Variants in SLC35F1 observed in about 807,000 individuals in gnomAD.
SLC35F1 encodes chromosome 6 open reading frame 169.
Under a neutral mutation model 48.7 loss-of-function variants are expected in SLC35F1, and 14 were observed. The observed-to-expected ratio is 0.29, with a 90% CI of 0.19 to 0.45. The LOEUF is 0.45. Among genes scored for constraint, SLC35F1 ranks in the 20% least tolerant of loss-of-function variants. The probability of loss-of-function intolerance (pLI) is 1.00; values close to 1 mark genes in which losing one functional copy is unlikely to be tolerated. For missense variants in SLC35F1, 404 were observed against 500.0 expected (o/e 0.81, Z 1.83); for synonymous variants, 190 against 202.2 (o/e 0.94, Z 0.51).
chr6:118,269,933 C>G (rs1299027304), intron 4 of SLC35F1, among the ~76,000 whole-genome samples: 1 of 152,040 alleles, frequency 6.6e-6, no homozygotes, highest in African/African-American at 2.4e-5. Flanking sequence ...GAGGCTGAGG[C>G]GGGAGGATCG....
At chr6:118,042,254 G>T (rs992594589) in intron 1 of SLC35F1, among the ~76,000 whole-genome samples, 27 of 152,160 alleles carry the variant, frequency 1.8e-4, no homozygotes, top group African/African-American at 6.5e-4. Context: ...CCTAGCCTTT[G>T]TAAAGCCCAT....
At chr6:117,989,950 T>C (rs1776894894) in intron 1 of SLC35F1, among the ~76,000 whole-genome samples, 1 of 152,194 alleles carries the variant, frequency 6.6e-6, no homozygotes, top group Non-Finnish European at 1.5e-5. Flanking sequence ...TGAATAAAAC[T>C]ATATATATGT....
chr6:118,238,081 G>A (rs1775389214), intron 3 of SLC35F1, among the ~76,000 whole-genome samples: 1 of 151,898 alleles, frequency 6.6e-6, no homozygotes, highest in Non-Finnish European at 1.5e-5. Flanking sequence ...CACTACAGAT[G>A]TCCCATAAAC....
intron 2 of SLC35F1, among the ~76,000 whole-genome samples, chr6:118,192,136 C>T (rs919997420): frequency 4.6e-5 from 7 of 152,130 alleles, no homozygotes; most frequent in Non-Finnish European, 1.0e-4. Flanking sequence ...GCACTGATAA[C>T]TGATGAGTTA....
intron 1 of SLC35F1, among the ~76,000 whole-genome samples, chr6:117,925,585 C>A (rs1776017579): frequency 6.6e-6 from 1 of 152,172 alleles, no homozygotes; most frequent in African/African-American, 2.4e-5. Context: ...GTTTGACTTG[C>A]AGCTGAAAGC....
At position 118,316,532 on chromosome 6, in the gene SLC35F1, G is replaced by A. The variant is rs1162731524; in HGVS notation, c.*2280G>A. 3.3e-5 allele frequency: 5 copies of A among 152,680 alleles called. No individual in the cohort carries two copies. The South Asian group carries it at 6.2e-4, about 19-fold the overall frequency. The allele number at this position is 152,680 out of a possible 1,614,324, so 9.5% of individuals were successfully genotyped here. A position where few individuals can be genotyped will look rare whatever the true frequency, so the allele number is the denominator to read the frequency against. ...TTTTAGTATTTATTTTAAGCCAGAT[G>A]TTTTCATCTTTGATTCATTTTTATG... is the stretch of plus-strand genomic sequence containing the variant. On this transcript the variant is annotated 3_prime_UTR_variant, in exon 8 of 8. Coordinates refer to ENST00000360388, the MANE Select transcript of SLC35F1 (RefSeq NM_001029858.4).
chr6:117,907,346 G>C lies in SLC35F1; in HGVS notation c.-381G>C, dbSNP rs866277207. The stretch of plus-strand genomic sequence containing the variant: ...GCCGCCGCGCGCCCCGAGGAGACCC[G>C]GGCACGAGGAAACAAGGAGAAATCA... On this transcript the variant is annotated 5_prime_UTR_variant, in exon 1 of 8. Transcript: ENST00000360388. Among the ~76,000 whole-genome samples the C allele has an allele frequency of 1.3e-5, 2 of 150,988 alleles. No individual in the cohort carries two copies. Among genetic ancestry groups the C allele is most frequent in the East Asian group, 1.9e-4 (1 of 5,142 alleles).
chr6:118,035,943 C>T (rs1483997692), intron 1 of SLC35F1, among the ~76,000 whole-genome samples: 8 of 151,946 alleles, frequency 5.3e-5, no homozygotes, highest in African/African-American at 1.2e-4. Flanking sequence ...CCGCCCGCCT[C>T]GGCCTCCCAA....
chr6:118,039,853 T>C (rs1218975973), intron 1 of SLC35F1, among the ~76,000 whole-genome samples: 1 of 141,240 alleles, frequency 7.1e-6, no homozygotes, highest in Admixed American at 7.4e-5. Flanking sequence ...TCTACTTCTT[T>C]GTATGTGTAT....
intron 1 of SLC35F1, among the ~76,000 whole-genome samples, chr6:117,985,047 T>C (rs1332053883): frequency 6.6e-6 from 1 of 152,244 alleles, no homozygotes; most frequent in Non-Finnish European, 1.5e-5. Flanking sequence ...AAGCTAAGAA[T>C]ACTACAGATC....
At chr6:118,049,389 CT>C (rs1772350872) in intron 1 of SLC35F1, among the ~76,000 whole-genome samples, 1 of 152,084 alleles carries the variant, frequency 6.6e-6, no homozygotes, top group Admixed American at 6.6e-5. Flanking sequence ...TAAAGAGCTT[CT>C]GCACAGCAAA....
intron 1 of SLC35F1, among the ~76,000 whole-genome samples, chr6:117,935,987 A>G (rs1206858837): frequency 6.6e-6 from 1 of 152,190 alleles, no homozygotes. Context: ...TTGTTCAAGT[A>G]TGTTTGAACA....
intron 1 of SLC35F1, among the ~76,000 whole-genome samples, chr6:117,973,517 G>A (rs375871650): frequency 9.2e-5 from 14 of 151,996 alleles, no homozygotes; most frequent in African/African-American, 3.4e-4. Context: ...CACATTGCAA[G>A]GTCAAAACTT....
rs1218964634 is a variant in SLC35F1, at chr6:118,156,663, A to G, written c.349+2043A>G. Among the ~76,000 whole-genome samples the G allele has an allele frequency of 4.0e-5, 5 of 125,856 alleles. No individual in the cohort carries two copies. In the South Asian group the frequency reaches 1.1e-3, roughly 28 times the overall value. 82.6% of individuals were successfully genotyped at this position (125,856 alleles called of 152,430 possible). A position where few individuals can be genotyped will look rare whatever the true frequency, so the allele number is the denominator to read the frequency against. On this transcript the variant is annotated intron_variant, in intron 2 of 7. Coordinates refer to ENST00000360388, the MANE Select transcript of SLC35F1 (RefSeq NM_001029858.4). ...GCACATGTACCCTAGAACTGAAAGT[A>G]TAATAAAAAATAAAATAAAATAAAA...
At chr6:118,017,473 C>G (rs1370865760) in intron 1 of SLC35F1, among the ~76,000 whole-genome samples, 1 of 152,204 alleles carries the variant, frequency 6.6e-6, no homozygotes, top group Non-Finnish European at 1.5e-5. Context: ...GGATCATCTG[C>G]TCTTGGGCTA....
intron 1 of SLC35F1, among the ~76,000 whole-genome samples, chr6:118,147,516 A>C (rs1773992159): frequency 1.3e-5 from 2 of 152,168 alleles, no homozygotes; most frequent in Non-Finnish European, 2.9e-5. Flanking sequence ...GAGCATAAGA[A>C]GTGTCATACA....
At chr6:118,158,921 A>G (rs1199182223) in intron 2 of SLC35F1, among the ~76,000 whole-genome samples, 2 of 152,094 alleles carry the variant, frequency 1.3e-5, no homozygotes, top group Non-Finnish European at 1.5e-5. Context: ...ATGGTTCTAA[A>G]ATTTTTAAAA....
chr6:118,079,651 A>G (rs1345117068), intron 1 of SLC35F1, among the ~76,000 whole-genome samples: 2 of 152,180 alleles, frequency 1.3e-5, no homozygotes, highest in African/African-American at 4.8e-5. Context: ...GGCTGCCCTC[A>G]AATATGCTGG....
At chr6:118,135,415 A>C (rs1459526848) in intron 1 of SLC35F1, among the ~76,000 whole-genome samples, 1 of 152,224 alleles carries the variant, frequency 6.6e-6, no homozygotes, top group Non-Finnish European at 1.5e-5. Flanking sequence ...AACACAGTTT[A>C]TGTTGTTTAA....
Sources: gnomAD v4.1 joint callset for allele counts (sites outside exome capture counted in the v4.1 genomes callset) on GRCh38, gnomAD v4.1.1 for gene constraint, MANE v1.5 for transcripts, NCBI Gene and HGNC (gene_info 2026-07-23, HGNC 2026-07-21) for gene names.